P4HA3: variants seen among roughly 807,000 people sequenced by gnomAD.
P4HA3 encodes prolyl 4-hydroxylase subunit alpha-3.
P4HA3 carries 60 observed loss-of-function variants against 66.7 expected under a neutral mutation model. The observed-to-expected ratio is 0.90, with a 90% CI of 0.73 to 1.12. The LOEUF (loss-of-function observed/expected upper bound fraction) is 1.12. Among genes scored for constraint, P4HA3 ranks in the 50% most tolerant of loss-of-function variants. The pLI is 0.00. For synonymous variants in P4HA3, 263 were observed against 274.6 expected (o/e 0.96, Z 0.42); for missense variants, 683 against 685.8 (o/e 1.00, Z 0.05).
At position 74,285,960 on chromosome 11, in the gene P4HA3, A is replaced by T. The variant is rs1860783453; in HGVS notation, c.959T>A (p.Leu320His). 1 of 1,610,160 alleles carries T rather than the reference A, an allele frequency of 6.2e-7. No homozygotes were observed. ...GGAATTGGTCTCATAGGAACAGTAG[A>T]GGCTAGGGATCTGGTAGAGAGTGGG... ...SQPTLYQIPS[L>H]YCSYETNSNA... Residue 320 changes from leucine (L) to histidine (H), a missense_variant, in exon 7 of 13, where the codon CTC becomes CAC. By Grantham distance (99) the Leu-to-His change is moderately conservative. Transcript: ENST00000331597.
chr11:74,296,760 T>C (rs1861226125), intron 4 of P4HA3, among the ~76,000 whole-genome samples: 1 of 152,182 alleles, frequency 6.6e-6, no homozygotes, highest in Non-Finnish European at 1.5e-5. Flanking sequence ...GGTAAGCTGC[T>C]TTAGTTTCTC....
intron 4 of P4HA3, among the ~76,000 whole-genome samples, chr11:74,294,840 T>G (rs1861160881): frequency 6.6e-6 from 1 of 152,166 alleles, no homozygotes; most frequent in Non-Finnish European, 1.5e-5. Context: ...CCATGTGAGG[T>G]GTCAGTCTGC....
chr11:74,251,659 T>C, intron 15 of P4HA3: 1 of 1,613,762 alleles, frequency 6.2e-7, no homozygotes, highest in Non-Finnish European at 8.5e-7. Flanking sequence ...TAGCTGAAGC[T>C]GTTGCCACTT....
At chr11:74,260,527 T>C (rs1244331015) in intron 14 of P4HA3, among the ~76,000 whole-genome samples, 1 of 152,218 alleles carries the variant, frequency 6.6e-6, no homozygotes, top group Non-Finnish European at 1.5e-5. Flanking sequence ...TTTAATGTAA[T>C]TTTTTATTTG....
intron 4 of P4HA3, among the ~76,000 whole-genome samples, chr11:74,292,292 TC>T: frequency 6.6e-6 from 1 of 152,312 alleles, no homozygotes; most frequent in African/African-American, 2.4e-5. Context: ...GGTGGTGATA[TC>T]CCCTTTATCA....
chr11:74,253,301 T>A (rs1353073713), intron 15 of P4HA3, among the ~76,000 whole-genome samples: 1 of 152,194 alleles, frequency 6.6e-6, no homozygotes, highest in Non-Finnish European at 1.5e-5. Context: ...TTCGACCATT[T>A]GGAGCCTTGG....
In P4HA3 at chr11:74,266,992, C is replaced by T. The variant is rs1860008004; in HGVS notation, c.*256G>A. 1.4e-6 allele frequency: 2 copies of T among 1,476,038 alleles called. No individual in the cohort carries two copies. The highest frequency in any genetic ancestry group is 1.8e-6 in the Non-Finnish European group (2 of 1,111,042). 91.4% of individuals were successfully genotyped at this position (1,476,038 alleles called of 1,614,324 possible). On this transcript the variant is annotated 3_prime_UTR_variant, in exon 13 of 13. Coordinates refer to ENST00000331597, the MANE Select transcript of P4HA3 (RefSeq NM_182904.5). The stretch of plus-strand genomic sequence containing the variant: ...AGAGTATCTGAACTCCAGAAACTTC[C>T]CTCTCAGGCCTCCACTCCCCCCTCC...
Position 74,266,844 on chromosome 11 carries a change from G to T in P4HA3, c.*404C>A. 1 of 626,208 alleles carries T rather than the reference G, an allele frequency of 1.6e-6. No homozygotes were observed. Among genetic ancestry groups the T allele is most frequent in the Non-Finnish European group, 2.7e-6 (1 of 374,732 alleles). 38.8% of individuals were successfully genotyped at this position (626,208 alleles called of 1,614,324 possible). ...GGGAGAAAGTCTTAAAGTTCTGGGA[G>T]TCAGGCTAGCCCCTCCTGCAGGTGT... is the stretch of plus-strand genomic sequence containing the variant. On this transcript the variant is annotated 3_prime_UTR_variant, in exon 13 of 13. Coordinates refer to ENST00000331597, the MANE Select transcript of P4HA3 (RefSeq NM_182904.5).
At position 74,300,020 on chromosome 11, in the gene P4HA3, T is replaced by G. The variant is rs138590725; in HGVS notation, c.568-1659A>C. Among the ~76,000 whole-genome samples the G allele has an allele frequency of 2.3e-3, 351 of 152,332 alleles. 2 individuals are homozygous for G. Among genetic ancestry groups the G allele is most frequent in the African/African-American group, 8.1e-3 (336 of 41,566 alleles). On this transcript the variant is annotated intron_variant, in intron 3 of 12. Transcript: ENST00000331597. The stretch of plus-strand genomic sequence containing the variant: ...TTCTGTCTAGCTCTGTGTAAGAATA[T>G]TCTCAATTTTGAGCCTCTACTTCTG...
intron 12 of P4HA3, 150 bp downstream of exon 12, chr11:74,267,995 A>C: frequency 1.5e-6 from 1 of 686,670 alleles, no homozygotes; most frequent in Non-Finnish European, 2.5e-6. Context: ...TGTTGGGGGC[A>C]CCTCATTCAT....
At chr11:74,269,762 G>A (rs767405316) in intron 10 of P4HA3, 42 bp from the exon 11 acceptor site, 48 of 1,586,778 alleles carry the variant, frequency 3.0e-5, no homozygotes, top group South Asian at 1.1e-4. Context: ...AACTGCCACC[G>A]ACTTCCCTAC....
At chr11:74,278,019 T>C (rs1860459979) in intron 8 of P4HA3, among the ~76,000 whole-genome samples, 1 of 152,188 alleles carries the variant, frequency 6.6e-6, no homozygotes, top group Non-Finnish European at 1.5e-5. Context: ...GCTATTGCCT[T>C]CTAAGAGCTC....
chr11:74,304,688 C>A lies in P4HA3; in HGVS notation c.201-276G>T, dbSNP rs138938816. Among the ~76,000 whole-genome samples the A allele has an allele frequency of 2.5e-3, 386 of 152,290 alleles. 3 individuals are homozygous for A. Among genetic ancestry groups the A allele is most frequent in the African/African-American group, 8.7e-3 (360 of 41,566 alleles). On this transcript the variant is annotated intron_variant, in intron 1 of 12. Transcript: ENST00000331597. ...CCATGCTAGAGATATAAAGGCAAGACAGGGTCCAGCTCTCAAAGGGATCAC... is the reference window on the plus strand; with the variant it reads ...CCATGCTAGAGATATAAAGGCAAGAAAGGGTCCAGCTCTCAAAGGGATCAC...
intron 15 of P4HA3, chr11:74,250,289 A>G (rs1859621993): frequency 6.6e-6 from 1 of 152,138 alleles, no homozygotes; most frequent in Non-Finnish European, 1.5e-5. Context: ...TTCATTCTCA[A>G]TCATTGTCGC....
intron 4 of P4HA3, among the ~76,000 whole-genome samples, chr11:74,295,115 G>A (rs373062740): frequency 1.2e-4 from 19 of 152,252 alleles, no homozygotes; most frequent in Admixed American, 2.6e-4. Flanking sequence ...ATTGCGGGGC[G>A]TTGTTGTTTG....
intron 1 of P4HA3, among the ~76,000 whole-genome samples, chr11:74,310,515 T>A (rs1300770771): frequency 6.6e-6 from 1 of 152,194 alleles, no homozygotes; most frequent in Non-Finnish European, 1.5e-5. Context: ...AGCTTCTACA[T>A]GTGTAAAGAG....
chr11:74,262,269 C>G (rs1334910658), downstream of P4HA3, among the ~76,000 whole-genome samples: 1 of 152,148 alleles, frequency 6.6e-6, no homozygotes, highest in Admixed American at 6.5e-5. Context: ...ATTTCTAATG[C>G]AAACATGCCC....
At chr11:74,278,718 G>A (rs1368141713) in intron 8 of P4HA3, among the ~76,000 whole-genome samples, 2 of 152,106 alleles carry the variant, frequency 1.3e-5, no homozygotes, top group Non-Finnish European at 2.9e-5. Flanking sequence ...AATATGAAAG[G>A]CCCTTAATGT....
chr11:74,263,756 G>A (rs1859946828), downstream of P4HA3, among the ~76,000 whole-genome samples: 1 of 152,186 alleles, frequency 6.6e-6, no homozygotes, highest in South Asian at 2.1e-4. Flanking sequence ...AGGCTTGCAA[G>A]TGATAAGTAG....
Sources: gnomAD v4.1 joint callset for allele counts (sites outside exome capture counted in the v4.1 genomes callset) on GRCh38, gnomAD v4.1.1 for gene constraint, MANE v1.5 for transcripts, NCBI Gene and HGNC (gene_info 2026-07-23, HGNC 2026-07-21) for gene names.